Variants in PCDHGB1 observed in about 807,000 individuals in gnomAD.
PCDHGB1 encodes protocadherin gamma subfamily B, 1.
Under a neutral mutation model 56.6 loss-of-function variants are expected in PCDHGB1, and 34 were observed. The observed-to-expected ratio is 0.60, with a 90% confidence interval of 0.46 to 0.80. The LOEUF is 0.80. PCDHGB1 is among the 30% of genes least tolerant of loss of function. The pLI is 0.00. For synonymous variants in PCDHGB1, 561 were observed against 505.9 expected (o/e 1.11, Z -1.46); for missense variants, 1,278 against 1,204.6 (o/e 1.06, Z -0.90).
rs1173771781 is a variant in PCDHGB1 at position 141,486,312 on chromosome 5, G to A, written c.2410-8495G>A. Reference sequence around the variant, plus strand: ...ATCAGTGTGCAGGATCCAGACTCAGGGTCAAACGGAGATGTGAGCCTCCGC... The same window carrying A: ...ATCAGTGTGCAGGATCCAGACTCAGAGTCAAACGGAGATGTGAGCCTCCGC... On this transcript the variant is annotated intron_variant, in intron 1 of 3. Coordinates refer to ENST00000523390, the MANE Select transcript of PCDHGB1 (RefSeq NM_018922.3). The surrounding 1 kb of genome is among the most constrained non-coding windows in gnomAD (Gnocchi z 5.0). The A allele has an allele frequency of 1.2e-6, 2 of 1,613,864 alleles. No individual in the cohort carries two copies. Among genetic ancestry groups the A allele is most frequent in the African/African-American group, 1.3e-5 (1 of 74,842 alleles).
intron 1 of PCDHGB1, among the ~76,000 whole-genome samples, chr5:141,368,347 A>C (rs1019571086): frequency 1.3e-5 from 2 of 152,112 alleles, no homozygotes; most frequent in Non-Finnish European, 2.9e-5. Context: ...ATACATATAC[A>C]CACACATATA....
chr5:141,442,818 C>A (rs553817796), intron 1 of PCDHGB1, among the ~76,000 whole-genome samples: 1 of 151,882 alleles, frequency 6.6e-6, no homozygotes, highest in Non-Finnish European at 1.5e-5. Context: ...TGTACTGATC[C>A]AAAAATAAGG....
At chr5:141,401,159 T>G (rs2094122338) in intron 1 of PCDHGB1, among the ~76,000 whole-genome samples, 1 of 152,076 alleles carries the variant, frequency 6.6e-6, no homozygotes, top group Admixed American at 6.6e-5. Context: ...CTGGGCAATA[T>G]GGTGAAAACC....
intron 1 of PCDHGB1, chr5:141,395,547 TGTG>T (rs1561655259): frequency 0.04 from 6,887 of 174,198 alleles, 418 homozygotes; most frequent in African/African-American, 0.079. Context: ...ATTGTTTGTG[TGTG>T]TGTGTGTGTG....
chr5:141,398,776 G>C, intron 1 of PCDHGB1: 2 of 1,613,904 alleles, frequency 1.2e-6, no homozygotes. Context: ...TGCCTTGGAC[G>C]GTGGACATCC....
In PCDHGB1 at chr5:141,351,133, T is replaced by A. The variant is rs1758653044; in HGVS notation, c.873T>A (p.Asn291Lys). The A allele has an allele frequency of 6.2e-7, 1 of 1,613,884 alleles. No homozygotes were observed. The highest frequency in any genetic ancestry group is 8.5e-7 in the Non-Finnish European group (1 of 1,179,898). Residue 291 changes from asparagine to lysine, a missense_variant, in exon 1 of 4, where the codon AAT becomes AAA. By Grantham distance (94) the Asn-to-Lys change is moderately conservative (BLOSUM62 0). Transcript: ENST00000523390. ...SPISTSLFNLNPNTGDITTNG... is the reference protein window; with the variant it reads ...SPISTSLFNLKPNTGDITTNG... ...TAAGTACCAGCCTCTTCAATCTCAATCCAAATACTGGCGACATCACAACCA... is the reference window on the plus strand; with the variant it reads ...TAAGTACCAGCCTCTTCAATCTCAAACCAAATACTGGCGACATCACAACCA...
chr5:141,405,459 A>T, intron 1 of PCDHGB1: 2 of 1,229,452 alleles, frequency 1.6e-6, no homozygotes, highest in Non-Finnish European at 2.3e-6. Flanking sequence ...TTACTCTGTT[A>T]CCCAGGCTGG....
chr5:141,375,605 A>C, intron 1 of PCDHGB1: 2 of 1,614,082 alleles, frequency 1.2e-6, no homozygotes, highest in Non-Finnish European at 1.7e-6. Flanking sequence ...CGTGTCCATC[A>C]ACTCCGACAC....
intron 1 of PCDHGB1, chr5:141,376,697 T>G (rs1773235579): frequency 1.5e-6 from 1 of 652,042 alleles, no homozygotes; most frequent in Non-Finnish European, 2.4e-6. Flanking sequence ...TTTTTTTTTT[T>G]GAGACGGAGT....
chr5:141,392,970 G>A (rs2092639280), intron 1 of PCDHGB1: 1 of 1,613,778 alleles, frequency 6.2e-7, no homozygotes, highest in Non-Finnish European at 8.5e-7. Flanking sequence ...CAAGGACCTG[G>A]GGCTGGACCC....
At position 141,431,106 on chromosome 5, in the gene PCDHGB1, T is replaced by C. The variant is rs566174531; in HGVS notation, c.2410-63701T>C. 25 of 1,614,108 alleles carry C rather than the reference T, an allele frequency of 1.5e-5. No homozygotes were observed. In the South Asian group the frequency reaches 2.7e-4, roughly 18 times the overall value. On this transcript the variant is annotated intron_variant, in intron 1 of 3. Transcript: ENST00000523390. This position sits in a 1 kb window ranked among gnomAD's most constrained non-coding sequence, Gnocchi z 4.8. ...ATTCTGATGGAGGATAAAGTGAAAA[T>C]ATATGGAGTAGAAGTAGAAGTAAGG...
chr5:141,507,816 TG>T (rs1478957063), intron 3 of PCDHGB1, among the ~76,000 whole-genome samples: 1 of 152,130 alleles, frequency 6.6e-6, no homozygotes, highest in African/African-American at 2.4e-5. Flanking sequence ...GAACGGACCC[TG>T]GGGGTGGAGG....
rs1333951046 is a variant in PCDHGB1, at chr5:141,485,847, C to T, written c.2410-8960C>T. 10 of 1,614,092 alleles carry T rather than the reference C, an allele frequency of 6.2e-6. No individual in the cohort carries two copies. In the African/African-American group the frequency reaches 8.0e-5, roughly 13 times the overall value. On this transcript the variant is annotated intron_variant, in intron 1 of 3. Transcript: ENST00000523390. This position sits in a 1 kb window ranked among gnomAD's most constrained non-coding sequence, Gnocchi z 5.7. ...GGAGGGAACCCGCCGAGATCTGGCA[C>T]CGCAGAGCTCCGGGTATCCGTGCTG...
At position 141,375,721 on chromosome 5, in the gene PCDHGB1, G is replaced by C. The variant is rs1194190814; in HGVS notation, c.2409+23052G>C. The stretch of plus-strand genomic sequence containing the variant: ...GGGACCCGCCTCTTAGCAGCAACGT[G>C]TCACTGAGCCTGTTTGTGCTGGACC... On this transcript the variant is annotated intron_variant, in intron 1 of 3. Transcript: ENST00000523390. The C allele has an allele frequency of 2.5e-6, 4 of 1,614,148 alleles. No homozygotes were observed. In the African/African-American group the frequency reaches 4.0e-5, roughly 16 times the overall value.
chr5:141,452,165 C>T (rs917431071), intron 1 of PCDHGB1, among the ~76,000 whole-genome samples: 2 of 152,120 alleles, frequency 1.3e-5, no homozygotes, highest in African/African-American at 4.8e-5. Flanking sequence ...TATTCTATTA[C>T]TAACATTTTT....
Position 141,351,989 on chromosome 5 carries a change from G to A in PCDHGB1, c.1729G>A (p.Ala577Thr), listed in dbSNP as rs761825346. 1 of 1,611,288 alleles carries A rather than the reference G, an allele frequency of 6.2e-7. No individual in the cohort carries two copies. The highest frequency in any genetic ancestry group is 1.7e-5 in the Admixed American group (1 of 59,988). The part of the protein sequence containing the change: ...GSALFDMVPR[A>T]AEPGYLVTKV... Reference sequence around the variant, plus strand: ...CGCCCTCTTCGATATGGTGCCACGCGCCGCAGAGCCCGGCTACCTGGTGAC... The same window carrying A: ...CGCCCTCTTCGATATGGTGCCACGCACCGCAGAGCCCGGCTACCTGGTGAC... The change falls in exon 1 of 4, where the codon GCC (alanine) becomes ACC (threonine). Residue 577 changes from alanine to threonine, a missense_variant. Physicochemically the swap from Ala to Thr is moderately conservative, Grantham distance 58. Transcript: ENST00000523390.
In PCDHGB1 at chr5:141,476,238, G is replaced by A; in HGVS notation, c.2410-18569G>A. The A allele has an allele frequency of 1.2e-6, 2 of 1,614,098 alleles. No individual in the cohort carries two copies. ...ATTCACTATGAGATCCCGGAGGAAAGAGAGAAGGGTTTCGCTGTGGGCAAC... is the reference window on the plus strand; with the variant it reads ...ATTCACTATGAGATCCCGGAGGAAAAAGAGAAGGGTTTCGCTGTGGGCAAC... On this transcript the variant is annotated intron_variant, in intron 1 of 3. Coordinates refer to ENST00000523390, the MANE Select transcript of PCDHGB1 (RefSeq NM_018922.3). The surrounding 1 kb of genome is among the most constrained non-coding windows in gnomAD (Gnocchi z 7.6).
intron 1 of PCDHGB1, chr5:141,357,583 C>T (rs756550703): frequency 1.9e-6 from 3 of 1,614,188 alleles, no homozygotes; most frequent in Non-Finnish European, 1.7e-6. Context: ...TCTGATAACT[C>T]AGGATTTACT....
intron 3 of PCDHGB1, among the ~76,000 whole-genome samples, chr5:141,506,417 A>C (rs1326078146): frequency 6.8e-6 from 1 of 147,658 alleles, no homozygotes; most frequent in Non-Finnish European, 1.5e-5. Context: ...ACTGCACTCC[A>C]GCCTGGGCAA....
Sources: gnomAD v4.1 joint callset for allele counts (sites outside exome capture counted in the v4.1 genomes callset) on GRCh38, gnomAD v4.1.1 for gene constraint, Gnocchi (gnomAD v3.1) non-coding constraint, MANE v1.5 for transcripts, NCBI Gene and HGNC (gene_info 2026-07-23, HGNC 2026-07-21) for gene names.